Variants in SCUBE3 observed in about 807,000 individuals in gnomAD.
SCUBE3 encodes signal peptide, CUB domain and EGF like domain containing 3.
SCUBE3 carries 33 observed loss-of-function variants against 116.8 expected under a neutral mutation model. The observed-to-expected ratio is 0.28, with a 90% CI of 0.21 to 0.38. SCUBE3 has a LOEUF of 0.38. Ranked by LOEUF, SCUBE3 falls within the 10% of genes least tolerant of loss-of-function variation. SCUBE3 has a pLI of 1.00. For synonymous variants in SCUBE3, 418 were observed against 496.9 expected (o/e 0.84, Z 2.11); for missense variants, 1,007 against 1,324.8 (o/e 0.76, Z 3.72).
chr6:35,236,450 A>ACTCTTTAGCGGG (rs1173659824), intron 6 of SCUBE3, among the ~76,000 whole-genome samples: 2 of 151,882 alleles, frequency 1.3e-5, no homozygotes, highest in African/African-American at 4.8e-5. Flanking sequence ...TGCTAAAAGC[A>ACTCTTTAGCGGG]CTCTTTAGCG....
At position 35,244,127 on chromosome 6, in the gene SCUBE3, A is replaced by G. The variant is rs748099990; in HGVS notation, c.2236A>G (p.Lys746Glu). Reference sequence around the variant, plus strand: ...CATTTCCTTCCAAGACTGTGACACCAAAGGTGAGTAAGCTACTCACCTCCC... The same window carrying G: ...CATTTCCTTCCAAGACTGTGACACCGAAGGTGAGTAAGCTACTCACCTCCC... The part of the protein sequence containing the change: ...GAISFQDCDT[K>E]VQCSPGHYYN... Residue 746 changes from lysine (K) to glutamate (E), a missense_variant, in exon 17 of 22, where the codon AAA becomes GAA. Around this residue, in one of 5 missense-constraint regions of SCUBE3, gnomAD observed 544 missense variants for 638.9 expected, o/e 0.85. Transcript: ENST00000274938. The surrounding 1 kb of genome is among the most constrained non-coding windows in gnomAD (Gnocchi z 4.3). 2 of 1,613,026 alleles carry G rather than the reference A, an allele frequency of 1.2e-6. No homozygotes were observed. The highest frequency in any genetic ancestry group is 1.7e-4 in the Middle Eastern group (1 of 6,058).
rs1784311684 is a variant in SCUBE3, at chr6:35,245,800, T to G, written c.2600-144T>G. On this transcript the variant is annotated intron_variant, in intron 19 of 21. Coordinates refer to ENST00000274938, the MANE Select transcript of SCUBE3 (RefSeq NM_152753.4). This position sits in a 1 kb window ranked among gnomAD's most constrained non-coding sequence, Gnocchi z 4.2. ...GTGGGCAATGGGAGAGGGTGTGGGG[T>G]AGGGTGTGTGTATGCGAAGGGGGAG... is the stretch of plus-strand genomic sequence containing the variant. The G allele has an allele frequency of 8.4e-6, 7 of 837,050 alleles. No homozygotes were observed. Among genetic ancestry groups the G allele is most frequent in the Non-Finnish European group, 1.3e-5 (7 of 521,238 alleles). The allele number at this position is 837,050 out of a possible 1,614,324, so 51.9% of individuals were successfully genotyped here.
chr6:35,237,551 C>A (rs1274981401), intron 6 of SCUBE3, among the ~76,000 whole-genome samples: 1 of 152,174 alleles, frequency 6.6e-6, no homozygotes, highest in African/African-American at 2.4e-5. Context: ...GCCAGAACCA[C>A]CCTCACTTAG....
At chr6:35,229,315 C>T (rs1783442612) in intron 3 of SCUBE3, among the ~76,000 whole-genome samples, 1 of 152,134 alleles carries the variant, frequency 6.6e-6, no homozygotes. Context: ...TACTTGGGAG[C>T]TCTTCCTTGG....
rs887046026 is a variant in SCUBE3 at position 35,252,317 on chromosome 6, G to A, written c.*3612G>A. The A allele has an allele frequency of 2.0e-5, 3 of 152,208 alleles. No individual in the cohort carries two copies. The highest frequency in any genetic ancestry group is 2.9e-5 in the Non-Finnish European group (2 of 68,044). The allele number at this position is 152,208 out of a possible 1,614,324, so 9.4% of individuals were successfully genotyped here. On this transcript the variant is annotated 3_prime_UTR_variant, in exon 22 of 22. Coordinates refer to ENST00000274938, the MANE Select transcript of SCUBE3 (RefSeq NM_152753.4). ...CTGCTTTAACAGCCCCCAAGATTTG[G>A]TCAGTTTGAGGTGGTGGAGACTCAG...
Position 35,214,616 on chromosome 6 carries a change from C to G in SCUBE3, c.85+113C>G. The G allele has an allele frequency of 1.6e-6, 1 of 622,816 alleles. No homozygotes were observed. Among genetic ancestry groups the G allele is most frequent in the Non-Finnish European group, 2.4e-6 (1 of 423,138 alleles). 38.6% of individuals were successfully genotyped at this position (622,816 alleles called of 1,614,324 possible). A position where few individuals can be genotyped will look rare whatever the true frequency, so the allele number is the denominator to read the frequency against. ...GCTGGGGAGCGTGCTGCTGTCAGAACCCGGCTCTGTGCACCCGGACTCCCC... is the reference window on the plus strand; with the variant it reads ...GCTGGGGAGCGTGCTGCTGTCAGAAGCCGGCTCTGTGCACCCGGACTCCCC... On this transcript the variant is annotated intron_variant, in intron 1 of 21. Transcript: ENST00000274938. This position sits in a 1 kb window ranked among gnomAD's most constrained non-coding sequence, Gnocchi z 6.3.
Position 35,252,241 on chromosome 6 carries a change from A to G in SCUBE3, c.*3536A>G, listed in dbSNP as rs1784580009. ...GAAAACTGACCAGATCCTGGATCTGAGCTGCCTGCTCCAGGCCTAGAAATC... is the reference window on the plus strand; with the variant it reads ...GAAAACTGACCAGATCCTGGATCTGGGCTGCCTGCTCCAGGCCTAGAAATC... On this transcript the variant is annotated 3_prime_UTR_variant, in exon 22 of 22. Coordinates refer to ENST00000274938, the MANE Select transcript of SCUBE3 (RefSeq NM_152753.4). 2 of 152,218 alleles carry G rather than the reference A, an allele frequency of 1.3e-5. No individual in the cohort carries two copies. The highest frequency in any genetic ancestry group is 6.5e-5 in the Admixed American group (1 of 15,288). The allele number at this position is 152,218 out of a possible 1,614,324, so 9.4% of individuals were successfully genotyped here.
In SCUBE3 at chr6:35,245,974, C is replaced by G; in HGVS notation, c.2630C>G (p.Thr877Ser). The G allele has an allele frequency of 6.2e-7, 1 of 1,614,140 alleles. No individual in the cohort carries two copies. The highest frequency in any genetic ancestry group is 8.5e-7 in the Non-Finnish European group (1 of 1,180,014). The stretch of plus-strand genomic sequence containing the variant: ...CCATCCTCCATTACCACTTATGAGA[C>G]CTGCCAGACCTACGAGCGTCCCATT... ...SSPSSITTYE[T>S]CQTYERPIAF... is the part of the protein sequence containing the mutation. Residue 877 changes from threonine to serine, a missense_variant, in exon 20 of 22, where the codon ACC (threonine) becomes AGC (serine). Coordinates refer to ENST00000274938, the MANE Select transcript of SCUBE3 (RefSeq NM_152753.4). This position sits in a 1 kb window ranked among gnomAD's most constrained non-coding sequence, Gnocchi z 4.2.
rs903830154 is a variant in SCUBE3 at position 35,250,123 on chromosome 6, G to A, written c.*1418G>A. On this transcript the variant is annotated 3_prime_UTR_variant, in exon 22 of 22. Transcript: ENST00000274938. ...GAGCCCTTGGCTGTGGTAATCCAGGGTAATTGCGCAGAGGCATCTGATGTG... is the reference window on the plus strand; with the variant it reads ...GAGCCCTTGGCTGTGGTAATCCAGGATAATTGCGCAGAGGCATCTGATGTG... 6.6e-6 allele frequency: 1 copy of A among 152,402 alleles called. No homozygotes were observed. Among genetic ancestry groups the A allele is most frequent in the Non-Finnish European group, 1.5e-5 (1 of 68,060 alleles). 9.4% of individuals were successfully genotyped at this position (152,402 alleles called of 1,614,324 possible). A position where few individuals can be genotyped will look rare whatever the true frequency, so the allele number is the denominator to read the frequency against.
Position 35,228,420 on chromosome 6 carries a change from G to T in SCUBE3, c.209-194G>T, listed in dbSNP as rs552139578. Among the ~76,000 whole-genome samples, 84 of 152,180 alleles carry T rather than the reference G, an allele frequency of 5.5e-4. No homozygotes were observed. Among genetic ancestry groups the T allele is most frequent in the Non-Finnish European group, 1.1e-3 (77 of 68,022 alleles). On this transcript the variant is annotated intron_variant, in intron 2 of 21. Coordinates refer to ENST00000274938, the MANE Select transcript of SCUBE3 (RefSeq NM_152753.4). This position sits in a 1 kb window ranked among gnomAD's most constrained non-coding sequence, Gnocchi z 4.9. ...TAGAAAAATAATATTCTGCAACCATGTACAATGGTAATTAGAAAGACTGGA... is the reference window on the plus strand; with the variant it reads ...TAGAAAAATAATATTCTGCAACCATTTACAATGGTAATTAGAAAGACTGGA...
At position 35,239,596 on chromosome 6, in the gene SCUBE3, A is replaced by G. The variant is rs1239926296; in HGVS notation, c.830-156A>G. Among the ~76,000 whole-genome samples the G allele has an allele frequency of 1.3e-5, 2 of 152,178 alleles. No individual in the cohort carries two copies. Among genetic ancestry groups the G allele is most frequent in the African/African-American group, 4.8e-5 (2 of 41,436 alleles). ...GACAGGAAAGAGAGAGAGAGACAGGAAAGAGAAAGAGAAAGAGACAGAGAG... is the reference window on the plus strand; with the variant it reads ...GACAGGAAAGAGAGAGAGAGACAGGGAAGAGAAAGAGAAAGAGACAGAGAG... On this transcript the variant is annotated intron_variant, in intron 7 of 21. Transcript: ENST00000274938. The surrounding 1 kb of genome is among the most constrained non-coding windows in gnomAD (Gnocchi z 4.1).
intron 6 of SCUBE3, among the ~76,000 whole-genome samples, chr6:35,236,442 C>T (rs1282987820): frequency 6.6e-6 from 1 of 152,222 alleles, no homozygotes; most frequent in Admixed American, 6.5e-5. Context: ...TCTTCTTATG[C>T]TAAAAGCACT....
In SCUBE3 at chr6:35,213,988, G is replaced by A. The variant is rs1386850213; in HGVS notation, c.-431G>A. 1.3e-5 allele frequency among the ~76,000 whole-genome samples: 2 copies of A among 152,284 alleles called. No individual in the cohort carries two copies. The highest frequency in any genetic ancestry group is 6.5e-5 in the Admixed American group (1 of 15,302). On this transcript the variant is annotated 5_prime_UTR_variant, in exon 1 of 22. In the 5' UTR this introduces an upstream ATG that the reference lacks. Transcript: ENST00000274938. This position sits in a 1 kb window ranked among gnomAD's most constrained non-coding sequence, Gnocchi z 4.5. ...AGGAAGAAAGAGAGGCAGAAAGGGC[G>A]TGTTTCTGGCGCTGCGTTTCCCCTC...
At position 35,243,996 on chromosome 6, in the gene SCUBE3, G is replaced by A. The variant is rs267600995; in HGVS notation, c.2105G>A (p.Gly702Glu). 1.2e-5 allele frequency: 20 copies of A among 1,613,904 alleles called. No individual in the cohort carries two copies. The change falls in exon 17 of 22, where the codon GGG becomes GAG. Residue 702 changes from glycine to glutamate, a missense_variant. Gly to Glu is a moderately conservative substitution (Grantham distance 98, BLOSUM62 -2). Coordinates refer to ENST00000274938, the MANE Select transcript of SCUBE3 (RefSeq NM_152753.4). This position sits in a 1 kb window ranked among gnomAD's most constrained non-coding sequence, Gnocchi z 6.6. ...CCACCTGGCCAACACTCTGTAGATG[G>A]GTTCAAGCCCTGTCAGCCATGCCCA... ...QCPPGQHSVDGFKPCQPCPRG... is the reference protein window; with the variant it reads ...QCPPGQHSVDEFKPCQPCPRG...
chr6:35,220,715 C>T (rs1361983278), intron 1 of SCUBE3: 1 of 152,236 alleles, frequency 6.6e-6, no homozygotes, highest in African/African-American at 2.4e-5. Context: ...CAAACACCAG[C>T]AGCTTTTCCT....
intron 7 of SCUBE3, among the ~76,000 whole-genome samples, chr6:35,238,861 C>T (rs769233813): frequency 1.3e-4 from 20 of 152,136 alleles, no homozygotes; most frequent in Non-Finnish European, 2.9e-4. Flanking sequence ...TGGGCTCGTT[C>T]TTTGTGTCTT....
rs1263077865 is a variant in SCUBE3 at position 35,235,041 on chromosome 6, GGGGCCGTCA to G, written c.712+1743_712+1751del. On this transcript the variant is annotated intron_variant, in intron 6 of 21. Coordinates refer to ENST00000274938, the MANE Select transcript of SCUBE3 (RefSeq NM_152753.4). This position sits in a 1 kb window ranked among gnomAD's most constrained non-coding sequence, Gnocchi z 4.5. ...CTGGTAAGAGGAAACATCATTGCCT[GGGGCCGTCA>G]GGACATTCAGATTCGGTGGGAAGAC... 1.3e-5 allele frequency among the ~76,000 whole-genome samples: 2 copies of G among 152,186 alleles called. No individual in the cohort carries two copies. Among genetic ancestry groups the G allele is most frequent in the Non-Finnish European group, 2.9e-5 (2 of 68,034 alleles).
intron 1 of SCUBE3, chr6:35,224,630 C>CAAAAAAAA (rs780700359): frequency 4.6e-5 from 1 of 21,726 alleles, no homozygotes; most frequent in Non-Finnish European, 1.3e-4. Flanking sequence ...GACTTCATCT[C>CAAAAAAAA]AAAAAAAAAA....
Position 35,243,122 on chromosome 6 carries a change from C to T in SCUBE3, c.1795C>T (p.Arg599Cys), listed in dbSNP as rs149254940. The change falls in exon 15 of 22, where the codon CGC becomes TGC. Residue 599 changes from arginine (R) to cysteine (C), a missense_variant. By Grantham distance (180) the Arg-to-Cys change is radical. Transcript: ENST00000274938. The surrounding 1 kb of genome is among the most constrained non-coding windows in gnomAD (Gnocchi z 6.6). ...CATCAACCAGGACCGCTTCCTGCTG[C>T]GCCTGGCAGGCCTTGATTATGAGCT... ...KSINQDRFLL[R>C]LAGLDYELAH... 167 of 1,614,106 alleles carry T rather than the reference C, an allele frequency of 1.0e-4. 1 individual carries two copies. In the South Asian group the frequency reaches 1.3e-3, roughly 12 times the overall value.
Sources: allele counts gnomAD v4.1 joint callset (sites outside exome capture counted in the v4.1 genomes callset), GRCh38; gene constraint gnomAD v4.1.1; regional missense constraint gnomAD v4.1.1; non-coding constraint Gnocchi (gnomAD v3.1); transcripts MANE v1.5; gene names NCBI Gene and HGNC (gene_info 2026-07-23, HGNC 2026-07-21).